The following CTNNA2 variants were observed in gnomAD, a reference collection of about 807,000 sequenced individuals.
CTNNA2 encodes catenin alpha-2.
In CTNNA2, 42 loss-of-function variants were observed where a neutral mutation model predicts 101.0. That is an observed-to-expected ratio of 0.42 (90% CI 0.32 to 0.54). CTNNA2 has a LOEUF of 0.54. Among genes scored for constraint, CTNNA2 ranks in the 20% least tolerant of loss-of-function variants. The pLI is 0.14. For synonymous variants in CTNNA2, 450 were observed against 456.4 expected, an observed-to-expected ratio of 0.99 and a Z score of 0.18; for missense variants, 871 against 1,223.1, an observed-to-expected ratio of 0.71 and a Z score of 4.29.
intron 7 of CTNNA2, among the ~76,000 whole-genome samples, chr2:80,015,390 G>T (rs143798258): frequency 3.5e-4 from 53 of 152,244 alleles, no homozygotes; most frequent in African/African-American, 1.2e-3. Flanking sequence ...CTCGTTCACA[G>T]CCATTGCATC....
intron 2 of CTNNA2, among the ~76,000 whole-genome samples, chr2:79,266,195 C>T (rs1674984692): frequency 3.3e-5 from 5 of 152,060 alleles, no homozygotes; most frequent in Admixed American, 3.3e-4. Flanking sequence ...TTTTTTGCAT[C>T]TCTGGTTCCT....
chr2:79,350,824 G>A (rs1230134414), intron 3 of CTNNA2, among the ~76,000 whole-genome samples: 5 of 151,982 alleles, frequency 3.3e-5, no homozygotes, highest in Non-Finnish European at 7.4e-5. Context: ...ACTAATAATC[G>A]TCATTCTGAC....
chr2:80,367,346 C>G (rs1262610721), intron 7 of CTNNA2, among the ~76,000 whole-genome samples: 2 of 151,986 alleles, frequency 1.3e-5, no homozygotes, highest in Admixed American at 1.3e-4. Context: ...TAACCACAGG[C>G]AAATTTCTTA....
chr2:79,558,687 A>G (rs1037916839), intron 1 of CTNNA2, among the ~76,000 whole-genome samples: 2 of 151,964 alleles, frequency 1.3e-5, no homozygotes, highest in East Asian at 1.9e-4. Flanking sequence ...ATGAGATAGT[A>G]TAGGGAAAGT....
At chr2:80,568,593 G>A (rs1455331158) in intron 12 of CTNNA2, among the ~76,000 whole-genome samples, 1 of 151,996 alleles carries the variant, frequency 6.6e-6, no homozygotes, top group African/African-American at 2.4e-5. Context: ...GTGTGTGTGT[G>A]TGTGAGATTA....
intron 7 of CTNNA2, chr2:80,288,408 C>G (rs911236709): frequency 6.6e-6 from 1 of 152,132 alleles, no homozygotes; most frequent in Non-Finnish European, 1.5e-5. Context: ...CTTTTTGAGC[C>G]AAACTGTCAG....
intron 7 of CTNNA2, among the ~76,000 whole-genome samples, chr2:80,058,735 T>C (rs1697387890): frequency 6.6e-6 from 1 of 151,996 alleles, no homozygotes; most frequent in Non-Finnish European, 1.5e-5. Flanking sequence ...AACTCAACTC[T>C]TTCATTGCGC....
At chr2:79,534,943 C>T (rs1402888209) in intron 1 of CTNNA2, among the ~76,000 whole-genome samples, 1 of 148,576 alleles carries the variant, frequency 6.7e-6, no homozygotes, top group Non-Finnish European at 1.5e-5. Flanking sequence ...AAAAAATACA[C>T]ATAACTATTT....
Position 80,331,289 on chromosome 2 carries a change from T to G in CTNNA2, c.1057-61922T>G, listed in dbSNP as rs144434480. Among the ~76,000 whole-genome samples, 411 of 152,314 alleles carry G rather than the reference T, an allele frequency of 2.7e-3. 2 individuals carry two copies. The highest frequency in any genetic ancestry group is 9.2e-3 in the African/African-American group (384 of 41,572). ...CATGTGGCAGGATTTGTGTTTGCTG[T>G]CTCTCAAATTCTCTTGCCTCCGTTT... On this transcript the variant is annotated intron_variant, in intron 7 of 18. Transcript: ENST00000402739.
chr2:79,814,892 G>A (rs1677358775), intron 3 of CTNNA2, among the ~76,000 whole-genome samples: 1 of 152,092 alleles, frequency 6.6e-6, no homozygotes, highest in African/African-American at 2.4e-5. Context: ...ATTCCTACCA[G>A]CAGTGTAGAA....
intron 7 of CTNNA2, among the ~76,000 whole-genome samples, chr2:80,110,850 G>A (rs1341669936): frequency 2.6e-5 from 4 of 152,188 alleles, no homozygotes; most frequent in Non-Finnish European, 4.4e-5. Context: ...AAACTCATTA[G>A]AGGAGGATTG....
At chr2:79,790,998 A>G (rs965943776) in intron 3 of CTNNA2, among the ~76,000 whole-genome samples, 1 of 152,192 alleles carries the variant, frequency 6.6e-6, no homozygotes, top group Non-Finnish European at 1.5e-5. Flanking sequence ...TTTATTTCCT[A>G]AGAGTTGAAT....
intron 7 of CTNNA2, among the ~76,000 whole-genome samples, chr2:79,959,593 A>G (rs80129172): frequency 0.012 from 1,794 of 152,300 alleles, 87 homozygotes; most frequent in East Asian, 0.082. Context: ...AAGCAACTTC[A>G]TGTATTAGTG....
At chr2:80,383,673 A>C (rs540059213) in intron 7 of CTNNA2, among the ~76,000 whole-genome samples, 1 of 152,136 alleles carries the variant, frequency 6.6e-6, no homozygotes, top group Non-Finnish European at 1.5e-5. Context: ...GCCTATAAAG[A>C]AGGAGGACGT....
chr2:79,205,617 C>A (rs945487891), intron 2 of CTNNA2, among the ~76,000 whole-genome samples: 3 of 152,160 alleles, frequency 2.0e-5, no homozygotes, highest in Non-Finnish European at 4.4e-5. Context: ...CACTTTTCAA[C>A]AGGAAAGTCT....
At chr2:80,421,776 C>G (rs1680543464) in intron 9 of CTNNA2, among the ~76,000 whole-genome samples, 1 of 142,174 alleles carries the variant, frequency 7.0e-6, no homozygotes, top group African/African-American at 2.7e-5. Flanking sequence ...TAGGGAGTAA[C>G]TGAAATCTAC....
intron 1 of CTNNA2, among the ~76,000 whole-genome samples, chr2:79,563,187 A>T (rs556545255): frequency 3.5e-4 from 11 of 31,800 alleles, no homozygotes; most frequent in African/African-American, 6.9e-4. Flanking sequence ...ATATATATAT[A>T]TTTTCCTTCA....
chr2:79,657,344 A>C (rs1357665040), intron 2 of CTNNA2, among the ~76,000 whole-genome samples: 1 of 151,898 alleles, frequency 6.6e-6, no homozygotes, highest in Non-Finnish European at 1.5e-5. Context: ...CATCTAAAGG[A>C]AGGGAATCAG....
intron 7 of CTNNA2, among the ~76,000 whole-genome samples, chr2:79,964,042 G>C (rs1689847238): frequency 1.3e-5 from 2 of 151,606 alleles, no homozygotes; most frequent in South Asian, 2.1e-4. Context: ...ATACCTTGGG[G>C]TGTTCCAGTG....
Sources: gnomAD v4.1 joint callset for allele counts (sites outside exome capture counted in the v4.1 genomes callset) on GRCh38, gnomAD v4.1.1 for gene constraint, MANE v1.5 for transcripts, NCBI Gene and HGNC (gene_info 2026-07-23, HGNC 2026-07-21) for gene names.